Variants in TASP1 observed in about 807,000 individuals in gnomAD.
The protein encoded by TASP1 is threonine aspartase 1.
In TASP1, 16 loss-of-function variants were observed where a neutral mutation model predicts 56.6. The observed-to-expected ratio is 0.28, with a 90% CI of 0.19 to 0.43. TASP1 has a LOEUF of 0.43. Among genes scored for constraint, TASP1 ranks in the 20% least tolerant of loss-of-function variants. The probability of loss-of-function intolerance (pLI) is 1.00; values close to 1 mark genes in which losing one functional copy is unlikely to be tolerated. For synonymous variants in TASP1, 179 were observed against 184.2 expected (o/e 0.97, Z 0.23); for missense variants, 393 against 511.6 (o/e 0.77, Z 2.24).
At chr20:13,122,261 CAA>C in the TASP1 span, among the ~76,000 whole-genome samples, 2 of 152,160 alleles carry the variant, frequency 1.3e-5, no homozygotes, top group Admixed American at 1.3e-4. Flanking sequence ...TTTGGAGAAA[CAA>C]GAGAGATAGA....
chr20:13,128,647 G>A, the TASP1 span, among the ~76,000 whole-genome samples: 1 of 151,966 alleles, frequency 6.6e-6, no homozygotes, highest in Non-Finnish European at 1.5e-5. Flanking sequence ...TGGATAAACA[G>A]GTACCTTTTA....
At chr20:13,600,511 A>G (rs1947632123) in intron 4 of TASP1, 1 of 152,226 alleles carries the variant, frequency 6.6e-6, no homozygotes, top group Admixed American at 6.5e-5. Flanking sequence ...ACTGTACTAG[A>G]AAAATATACA....
At chr20:13,559,669 A>T (rs1278616628) in intron 7 of TASP1, among the ~76,000 whole-genome samples, 2 of 152,206 alleles carry the variant, frequency 1.3e-5, no homozygotes, top group African/African-American at 4.8e-5. Flanking sequence ...TAATGCGGGC[A>T]TTTAGATAGA....
intron 11 of TASP1, among the ~76,000 whole-genome samples, chr20:13,437,565 A>T (rs1331446981): frequency 6.6e-6 from 1 of 152,208 alleles, no homozygotes. Flanking sequence ...GAGGAAATCA[A>T]ATTGTCCCTG....
chr20:13,613,509 A>G (rs1327853364), intron 4 of TASP1, among the ~76,000 whole-genome samples: 4 of 152,058 alleles, frequency 2.6e-5, no homozygotes, highest in African/African-American at 9.7e-5. Context: ...TTGCAAATTC[A>G]TTTTCGGGTC....
At chr20:13,404,700 C>A (rs2041853592) in intron 13 of TASP1, among the ~76,000 whole-genome samples, 1 of 152,084 alleles carries the variant, frequency 6.6e-6, no homozygotes, top group Admixed American at 6.5e-5. Flanking sequence ...AGTTAATAGT[C>A]ATCACATCAA....
At chr20:13,537,771 A>G (rs1310308795) in intron 8 of TASP1, among the ~76,000 whole-genome samples, 1 of 152,208 alleles carries the variant, frequency 6.6e-6, no homozygotes, top group Admixed American at 6.5e-5. Flanking sequence ...TGTGTTAAAG[A>G]AAACACTGAA....
intron 1 of TASP1, among the ~76,000 whole-genome samples, 158 bp downstream of exon 1, chr20:13,638,735 GC>G (rs1021475549): frequency 6.6e-6 from 1 of 152,090 alleles, no homozygotes; most frequent in Non-Finnish European, 1.5e-5. Flanking sequence ...GGACATCCTG[GC>G]CCCCTCCTCT....
intron 12 of TASP1, among the ~76,000 whole-genome samples, chr20:13,431,115 C>G (rs192327428): frequency 5.3e-5 from 8 of 151,932 alleles, no homozygotes; most frequent in Admixed American, 5.2e-4. Flanking sequence ...TAACAATACA[C>G]AGCAGTTAAG....
At chr20:13,497,507 T>C (rs1007713280) in intron 10 of TASP1, among the ~76,000 whole-genome samples, 6 of 152,132 alleles carry the variant, frequency 3.9e-5, no homozygotes, top group East Asian at 3.9e-4. Flanking sequence ...AAGAGAGAAA[T>C]TCCCCCTTCC....
chr20:13,189,025 T>C, the TASP1 span, among the ~76,000 whole-genome samples: 6 of 152,234 alleles, frequency 3.9e-5, no homozygotes, highest in Admixed American at 3.9e-4. Context: ...TTCTGATTCC[T>C]GTATGTCACT....
At chr20:13,326,377 G>A in the TASP1 span, among the ~76,000 whole-genome samples, 15 of 152,104 alleles carry the variant, frequency 9.9e-5, no homozygotes, top group African/African-American at 1.4e-4. Flanking sequence ...GTATATATTC[G>A]ATTTAAGTAT....
the TASP1 span, among the ~76,000 whole-genome samples, chr20:13,305,039 T>A: frequency 5.9e-5 from 9 of 152,236 alleles, no homozygotes; most frequent in South Asian, 8.3e-4. Context: ...ATATTTGATA[T>A]TTAATATTTG....
intron 4 of TASP1, among the ~76,000 whole-genome samples, chr20:13,598,458 G>C (rs971008167): frequency 2.0e-5 from 3 of 152,140 alleles, no homozygotes; most frequent in Non-Finnish European, 4.4e-5. Flanking sequence ...AATAAATGGT[G>C]CTGGGAAAAC....
At chr20:13,376,980 A>G in the TASP1 span, among the ~76,000 whole-genome samples, 1 of 152,206 alleles carries the variant, frequency 6.6e-6, no homozygotes, top group African/African-American at 2.4e-5. Flanking sequence ...TTGGGCTGAG[A>G]CAATGGGGTT....
intron 10 of TASP1, among the ~76,000 whole-genome samples, chr20:13,526,817 A>G (rs1354636332): frequency 6.6e-6 from 1 of 152,146 alleles, no homozygotes; most frequent in African/African-American, 2.4e-5. Context: ...TGAGCAAAGG[A>G]TAGGAGAATA....
chr20:13,252,558 C>T, the TASP1 span, among the ~76,000 whole-genome samples: 1 of 152,142 alleles, frequency 6.6e-6, no homozygotes, highest in African/African-American at 2.4e-5. Context: ...CAAGACCAGC[C>T]TGACCAACAT....
rs147661561 is a variant in TASP1 at position 13,442,452 on chromosome 20, G to C, written c.986-7298C>G. 4.5e-3 allele frequency among the ~76,000 whole-genome samples: 686 copies of C among 152,112 alleles called. 3 individuals carry two copies. Among genetic ancestry groups the C allele is most frequent in the East Asian group, 0.011 (59 of 5,174 alleles). ...AGTTCAAGACCGTCTTGGTCTTGAAGGCCAAGATAATGAAACCCTGTCTCT... is the reference window on the plus strand; with the variant it reads ...AGTTCAAGACCGTCTTGGTCTTGAACGCCAAGATAATGAAACCCTGTCTCT... On this transcript the variant is annotated intron_variant, in intron 11 of 13. Coordinates refer to ENST00000337743, the MANE Select transcript of TASP1 (RefSeq NM_017714.3).
At chr20:13,422,369 T>A (rs1011241367) in intron 12 of TASP1, among the ~76,000 whole-genome samples, 5 of 152,214 alleles carry the variant, frequency 3.3e-5, no homozygotes, top group Non-Finnish European at 7.3e-5. Flanking sequence ...CTGTCCTCTA[T>A]GCTTTTTTTA....
Sources: allele counts gnomAD v4.1 joint callset (sites outside exome capture counted in the v4.1 genomes callset), GRCh38; gene constraint gnomAD v4.1.1; transcripts MANE v1.5; gene names NCBI Gene and HGNC (gene_info 2026-07-23, HGNC 2026-07-21).